The following FRYL variants were observed in gnomAD, a reference collection of about 807,000 sequenced individuals.
FRYL encodes the protein FRY like transcription coactivator.
In FRYL, 150 loss-of-function variants were observed where a neutral mutation model predicts 351.2. That is an observed-to-expected ratio of 0.43 (90% CI 0.37 to 0.49). The LOEUF (loss-of-function observed/expected upper bound fraction) is 0.49. Ranked by LOEUF, FRYL falls within the 20% of genes least tolerant of loss-of-function variation. The pLI is 0.00. For synonymous variants in FRYL, 1,153 were observed against 1,257.1 expected (o/e 0.92, Z 1.75); for missense variants, 3,036 against 3,619.3 (o/e 0.84, Z 4.13).
intron 9 of FRYL, among the ~76,000 whole-genome samples, chr4:48,608,760 T>C (rs761579472): frequency 6.6e-6 from 1 of 152,162 alleles, no homozygotes; most frequent in Non-Finnish European, 1.5e-5. Flanking sequence ...ATTTGTTCGA[T>C]TCAGACATTT....
At chr4:48,507,633 A>G (rs1489769733) in intron 59 of FRYL, among the ~76,000 whole-genome samples, 1 of 152,132 alleles carries the variant, frequency 6.6e-6, no homozygotes, top group Non-Finnish European at 1.5e-5. Flanking sequence ...CTGCGCATAG[A>G]GGCTGAACAG....
intron 2 of FRYL, among the ~76,000 whole-genome samples, chr4:48,706,742 T>G (rs147306259): frequency 1.3e-5 from 2 of 152,282 alleles, no homozygotes; most frequent in African/African-American, 4.8e-5. Context: ...TTGGTTTCCA[T>G]CTTGGATGCC....
At chr4:48,668,961 T>A (rs1762210200) in intron 3 of FRYL, among the ~76,000 whole-genome samples, 1 of 152,240 alleles carries the variant, frequency 6.6e-6, no homozygotes, top group African/African-American at 2.4e-5. Context: ...ATTCCTTTAG[T>A]TACATTTTAA....
intron 25 of FRYL, 106 bp downstream of exon 25, chr4:48,575,011 C>T (rs548527352): frequency 2.0e-6 from 2 of 1,002,280 alleles, no homozygotes; most frequent in Admixed American, 2.4e-5. Context: ...GGTATGCGGT[C>T]AAGCACTCTG....
At chr4:48,768,542 C>T (rs1175627230) in intron 1 of FRYL, among the ~76,000 whole-genome samples, 8 of 152,172 alleles carry the variant, frequency 5.3e-5, no homozygotes, top group South Asian at 2.1e-4. Context: ...CAGTAGCTCA[C>T]GCCTGTAATC....
rs766513078 is a variant in FRYL at position 48,561,499 on chromosome 4, C to G, written c.3834G>C (p.Ala1278=). The change falls in exon 33 of 64, where the codon GCG becomes GCC. Residue 1278 remains alanine, a synonymous_variant. Coordinates refer to ENST00000358350, the MANE Select transcript of FRYL (RefSeq NM_015030.2). ...ATATGGCGAGAGTTAGCTCAGGATA[C>G]GCCCTTGCTAGTTCCTCGGACAACT... ...YYQLSEELAR[A]YPELTLAIFS... 1 of 1,609,150 alleles carries G rather than the reference C, an allele frequency of 6.2e-7. No homozygotes were observed.
At chr4:48,732,549 G>A (rs1373614819) in intron 1 of FRYL, among the ~76,000 whole-genome samples, 1 of 152,136 alleles carries the variant, frequency 6.6e-6, no homozygotes, top group Admixed American at 6.5e-5. Flanking sequence ...ATGATAGACT[G>A]CATAAAGAAA....
intron 3 of FRYL, chr4:48,653,856 G>A: frequency 2.3e-6 from 3 of 1,286,812 alleles, no homozygotes; most frequent in Non-Finnish European, 3.0e-6. Context: ...CAGCAGCAGC[G>A]GTTTTGCCGT....
intron 47 of FRYL, among the ~76,000 whole-genome samples, chr4:48,538,591 C>T (rs1175824899): frequency 3.3e-5 from 5 of 152,118 alleles, no homozygotes; most frequent in African/African-American, 1.2e-4. Flanking sequence ...TGGCTTCCTG[C>T]ATGCTTGCTC....
intron 2 of FRYL, among the ~76,000 whole-genome samples, chr4:48,694,922 A>G (rs1766013274): frequency 6.6e-6 from 1 of 152,130 alleles, no homozygotes; most frequent in Non-Finnish European, 1.5e-5. Flanking sequence ...AAGTAAAAGA[A>G]GTCAGCTGGG....
intron 1 of FRYL, among the ~76,000 whole-genome samples, chr4:48,744,454 T>C (rs1199964490): frequency 6.6e-6 from 1 of 152,220 alleles, no homozygotes. Flanking sequence ...TAATATTTAC[T>C]CTTTCAAAGT....
In FRYL at chr4:48,609,044, T is replaced by C; in HGVS notation, c.515A>G (p.Asn172Ser). The change falls in exon 9 of 64, where the codon AAT becomes AGT. Residue 172 changes from asparagine (N) to serine (S), a missense_variant. By Grantham distance (46) the Asn-to-Ser change is conservative. Transcript: ENST00000358350. ...KEGYSGTNTGNVHIIADLYAE... is the reference protein window; with the variant it reads ...KEGYSGTNTGSVHIIADLYAE... ...ATATAAATCAGCAATAATATGCACA[T>C]TCCCAGTGTTGGTTCCTGAATATCT... is the stretch of plus-strand genomic sequence containing the variant. 2 of 1,605,750 alleles carry C rather than the reference T, an allele frequency of 1.2e-6. No homozygotes were observed. Among genetic ancestry groups the C allele is most frequent in the Non-Finnish European group, 1.7e-6 (2 of 1,173,052 alleles).
chr4:48,713,637 T>C (rs1028609831), intron 1 of FRYL, among the ~76,000 whole-genome samples: 2 of 152,104 alleles, frequency 1.3e-5, no homozygotes, highest in African/African-American at 4.8e-5. Flanking sequence ...CTGAGTGACC[T>C]ACAAAGAGAC....
intron 1 of FRYL, among the ~76,000 whole-genome samples, chr4:48,754,393 A>T (rs1160080016): frequency 1.3e-5 from 2 of 152,186 alleles, no homozygotes; most frequent in Non-Finnish European, 2.9e-5. Flanking sequence ...CAGCTGATGG[A>T]CATTTGGGTT....
intron 1 of FRYL, among the ~76,000 whole-genome samples, chr4:48,738,594 C>G (rs1771691487): frequency 6.6e-6 from 1 of 151,882 alleles, no homozygotes; most frequent in Non-Finnish European, 1.5e-5. Flanking sequence ...AGCTACTGAG[C>G]TCAAGTGATA....
intron 15 of FRYL, 52 bp from the exon 16 acceptor site, chr4:48,594,068 C>T (rs1486371984): frequency 1.0e-6 from 1 of 972,004 alleles, no homozygotes; most frequent in African/African-American, 1.7e-5. Flanking sequence ...AGGTATCATG[C>T]TAAGAATTAT....
At chr4:48,755,119 T>A (rs369212245) in intron 1 of FRYL, among the ~76,000 whole-genome samples, 2 of 152,310 alleles carry the variant, frequency 1.3e-5, no homozygotes, top group South Asian at 2.1e-4. Flanking sequence ...TCACATGTTA[T>A]ATCCAAATTG....
chr4:48,548,792 A>G lies in FRYL; in HGVS notation c.4786T>C (p.Cys1596Arg), dbSNP rs1191785953. The G allele has an allele frequency of 7.7e-6, 12 of 1,561,336 alleles. No individual in the cohort carries two copies. Among genetic ancestry groups the G allele is most frequent in the Admixed American group, 1.8e-5 (1 of 56,408 alleles). ...GTCAAAAGGATCACTGCTATGTTAC[A>G]CCTATGACAAATAAGAGTTTCATTA... ...TSSPGLPLHRCNIAVILLTDL... is the reference protein window; with the variant it reads ...TSSPGLPLHRRNIAVILLTDL... Residue 1596 changes from cysteine (C) to arginine (R), a missense_variant and splice_region_variant, in exon 40 of 64, where the codon TGT (cysteine) becomes CGT (arginine). This residue lies in a region of FRYL where 1,987 missense variants were observed against 2,311.7 expected (regional missense o/e 0.86). Coordinates refer to ENST00000358350, the MANE Select transcript of FRYL (RefSeq NM_015030.2).
intron 4 of FRYL, among the ~76,000 whole-genome samples, 186 bp downstream of exon 4, chr4:48,634,105 C>T (rs987921147): frequency 3.3e-5 from 5 of 152,118 alleles, no homozygotes; most frequent in African/African-American, 1.2e-4. Flanking sequence ...GTTGAAGTTC[C>T]TTTTTGTTCT....
Sources: allele counts gnomAD v4.1 joint callset (sites outside exome capture counted in the v4.1 genomes callset), GRCh38; gene constraint gnomAD v4.1.1; regional missense constraint gnomAD v4.1.1; transcripts MANE v1.5; gene names NCBI Gene and HGNC (gene_info 2026-07-23, HGNC 2026-07-21).